CAMTA1: variants seen among roughly 807,000 people sequenced by gnomAD.
The protein encoded by CAMTA1 is calmodulin binding transcription activator 1, also known as calmodulin-binding transcription activator 1.
Under a neutral mutation model 170.9 loss-of-function variants are expected in CAMTA1, and 27 were observed. The ratio of observed to expected loss-of-function variants is 0.16; its 90% CI spans 0.12 to 0.22. The LOEUF is 0.22. Among genes scored for constraint, CAMTA1 ranks in the 10% least tolerant of loss-of-function variants. The probability of loss-of-function intolerance (pLI) is 1.00; values close to 1 mark genes in which losing one functional copy is unlikely to be tolerated. For missense variants in CAMTA1, 1,619 were observed against 2,217.2 expected, an observed-to-expected ratio of 0.73 and a Z score of 5.42; for synonymous variants, 833 against 891.5, an observed-to-expected ratio of 0.93 and a Z score of 1.17.
chr1:6,943,040 T>C (rs956167974), intron 3 of CAMTA1, among the ~76,000 whole-genome samples: 1 of 152,152 alleles, frequency 6.6e-6, no homozygotes, highest in African/African-American at 2.4e-5. Context: ...GGCAACGTGC[T>C]GACCACTCTG....
At chr1:6,900,016 G>A (rs1269962053) in intron 3 of CAMTA1, among the ~76,000 whole-genome samples, 1 of 152,210 alleles carries the variant, frequency 6.6e-6, no homozygotes, top group Non-Finnish European at 1.5e-5. Flanking sequence ...TTGCTGGTGG[G>A]AAAAATGCTG....
Position 7,661,878 on chromosome 1 carries a change from C to G in CAMTA1, c.805+12C>G. The G allele has an allele frequency of 6.3e-7, 1 of 1,599,792 alleles. No homozygotes were observed. The highest frequency in any genetic ancestry group is 2.3e-5 in the East Asian group (1 of 44,370). The stretch of plus-strand genomic sequence containing the variant: ...CACCGGCAGCCTGGGTGAGCCGGGG[C>G]TCCCGGGGCAGGCGGGCGCCACGGG... On this transcript the variant is annotated intron_variant, in intron 8 of 22. Coordinates refer to ENST00000303635, the MANE Select transcript of CAMTA1 (RefSeq NM_015215.4).
rs550314861 is a variant in CAMTA1 at position 7,071,109 on chromosome 1, C to T, written c.235-20195C>T. ...CTTAGGAGTATGGACTGGAGCGAGC[C>T]TCCCCCTCCTCCTCCTCTCCTCAAA... On this transcript the variant is annotated intron_variant, in intron 3 of 22. Coordinates refer to ENST00000303635, the MANE Select transcript of CAMTA1 (RefSeq NM_015215.4). Among the ~76,000 whole-genome samples, 4 of 152,308 alleles carry T rather than the reference C, an allele frequency of 2.6e-5. No individual in the cohort carries two copies. The East Asian group carries it at 5.8e-4, about 22-fold the overall frequency.
intron 3 of CAMTA1, among the ~76,000 whole-genome samples, chr1:6,835,009 T>C (rs1385124750): frequency 2.6e-5 from 4 of 152,190 alleles, no homozygotes; most frequent in Admixed American, 1.3e-4. Flanking sequence ...TTCAGAACAT[T>C]TTTCATCACC....
chr1:7,495,450 G>A (rs1386825400), intron 6 of CAMTA1, among the ~76,000 whole-genome samples: 1 of 152,134 alleles, frequency 6.6e-6, no homozygotes, highest in Non-Finnish European at 1.5e-5. Flanking sequence ...TGTCTTTGGG[G>A]CCCCATGTTC....
intron 5 of CAMTA1, among the ~76,000 whole-genome samples, chr1:7,396,886 A>G (rs2089355829): frequency 6.6e-6 from 1 of 152,172 alleles, no homozygotes; most frequent in Non-Finnish European, 1.5e-5. Flanking sequence ...GTACTGTTGA[A>G]TTCAGTTTGC....
At chr1:7,268,648 A>T (rs1045035190) in intron 5 of CAMTA1, among the ~76,000 whole-genome samples, 1 of 152,240 alleles carries the variant, frequency 6.6e-6, no homozygotes, top group Admixed American at 6.5e-5. Context: ...AATCAAAATG[A>T]GCAAGCTGAT....
rs770987029 is a variant in CAMTA1 at position 7,104,153 on chromosome 1, CAT to C, written c.302+12785_302+12786del. Among the ~76,000 whole-genome samples the C allele has an allele frequency of 5.6e-4, 79 of 141,066 alleles. 1 individual carries two copies. The highest frequency in any genetic ancestry group is 1.3e-3 in the South Asian group (6 of 4,542). The allele number at this position is 141,066 out of a possible 152,430, so 92.5% of individuals were successfully genotyped here. On this transcript the variant is annotated intron_variant, in intron 4 of 22. Transcript: ENST00000303635. The stretch of plus-strand genomic sequence containing the variant: ...TAACTACACACGTACACACAACACA[CAT>C]ATGCATACAACTACACACATATACA...
chr1:7,503,338 CAGA>C (rs2094041582), intron 6 of CAMTA1, among the ~76,000 whole-genome samples: 1 of 152,194 alleles, frequency 6.6e-6, no homozygotes, highest in Non-Finnish European at 1.5e-5. Context: ...GGGTGTGCTT[CAGA>C]AGGTGTGCTT....
chr1:6,929,828 T>G (rs996353099), intron 3 of CAMTA1, among the ~76,000 whole-genome samples: 2 of 152,182 alleles, frequency 1.3e-5, no homozygotes, highest in Non-Finnish European at 2.9e-5. Flanking sequence ...TGGCATAACT[T>G]TAGCACTATT....
At chr1:7,498,070 G>A (rs1280567464) in intron 6 of CAMTA1, among the ~76,000 whole-genome samples, 1 of 152,124 alleles carries the variant, frequency 6.6e-6, no homozygotes, top group Non-Finnish European at 1.5e-5. Context: ...GTGAGAGTGG[G>A]GAAGGGGTGC....
intron 5 of CAMTA1, among the ~76,000 whole-genome samples, chr1:7,440,216 C>T (rs996204587): frequency 1.3e-5 from 2 of 152,280 alleles, no homozygotes; most frequent in African/African-American, 2.4e-5. Flanking sequence ...TCCACTTTGT[C>T]CACTTCATGG....
intron 5 of CAMTA1, among the ~76,000 whole-genome samples, chr1:7,307,107 G>A (rs1675709597): frequency 6.6e-6 from 1 of 151,772 alleles, no homozygotes; most frequent in Admixed American, 6.6e-5. Context: ...ATTTATTTAA[G>A]TCTTTAAAAA....
chr1:7,244,472 C>G (rs1665419764), intron 4 of CAMTA1, among the ~76,000 whole-genome samples: 1 of 152,156 alleles, frequency 6.6e-6, no homozygotes. Context: ...TTCACAATAG[C>G]AAAGACTTGG....
intron 4 of CAMTA1, among the ~76,000 whole-genome samples, chr1:7,120,654 G>A (rs781431920): frequency 6.6e-6 from 1 of 152,186 alleles, no homozygotes; most frequent in Non-Finnish European, 1.5e-5. Context: ...GAGCCCAAGA[G>A]GTAGGGATAA....
intron 3 of CAMTA1, among the ~76,000 whole-genome samples, chr1:6,898,711 G>A (rs749473904): frequency 2.6e-5 from 4 of 152,140 alleles, no homozygotes; most frequent in Admixed American, 6.5e-5. Context: ...GATATGCTCA[G>A]GAAAGATACT....
chr1:7,564,716 C>T (rs970314136), intron 6 of CAMTA1, among the ~76,000 whole-genome samples: 4 of 151,954 alleles, frequency 2.6e-5, no homozygotes, highest in African/African-American at 9.7e-5. Flanking sequence ...CTCCCAGTGT[C>T]CAGTGGAGTG....
intron 22 of CAMTA1, among the ~76,000 whole-genome samples, chr1:7,756,088 C>A (rs1387283603): frequency 1.3e-5 from 2 of 151,250 alleles, no homozygotes; most frequent in African/African-American, 2.4e-5. Context: ...GTCAAAATTT[C>A]TAAAGCAAGG....
At chr1:7,150,190 C>T (rs1298963669) in intron 4 of CAMTA1, among the ~76,000 whole-genome samples, 1 of 152,222 alleles carries the variant, frequency 6.6e-6, no homozygotes, top group Admixed American at 6.5e-5. Flanking sequence ...CCGCATCGCC[C>T]TTTGCCTCCC....
Sources: allele counts gnomAD v4.1 joint callset (sites outside exome capture counted in the v4.1 genomes callset), GRCh38; gene constraint gnomAD v4.1.1; transcripts MANE v1.5; gene names NCBI Gene and HGNC (gene_info 2026-07-23, HGNC 2026-07-21).